SND1: variants seen among roughly 807,000 people sequenced by gnomAD.
The protein encoded by SND1 is staphylococcal nuclease domain-containing protein 1.
SND1 carries 38 observed loss-of-function variants against 121.7 expected under a neutral mutation model. The observed-to-expected ratio is 0.31, with a 90% confidence interval of 0.24 to 0.41. SND1 has a LOEUF of 0.41. Ranked by LOEUF, SND1 falls within the 10% of genes least tolerant of loss-of-function variation. The pLI is 1.00. For missense variants in SND1, 868 were observed against 1,184.6 expected, an observed-to-expected ratio of 0.73 and a Z score of 3.92; for synonymous variants, 401 against 447.4, an observed-to-expected ratio of 0.90 and a Z score of 1.31.
intron 12 of SND1, among the ~76,000 whole-genome samples, chr7:127,884,111 G>A (rs1255698054): frequency 6.6e-6 from 1 of 151,924 alleles, no homozygotes; most frequent in African/African-American, 2.4e-5. Context: ...CACTCAAATT[G>A]TTCCCAATTT....
chr7:127,816,967 T>C (rs1343758816), intron 11 of SND1, among the ~76,000 whole-genome samples: 1 of 152,184 alleles, frequency 6.6e-6, no homozygotes, highest in East Asian at 1.9e-4. Context: ...AGCTAGTTCA[T>C]TTTTGTTATT....
intron 15 of SND1, among the ~76,000 whole-genome samples, chr7:127,937,044 T>C (rs940352144): frequency 6.8e-6 from 1 of 147,398 alleles, no homozygotes; most frequent in Non-Finnish European, 1.5e-5. Flanking sequence ...CCAAATACTT[T>C]TCTCCTGAAT....
At chr7:127,814,756 A>G (rs974907681) in intron 11 of SND1, among the ~76,000 whole-genome samples, 7 of 152,108 alleles carry the variant, frequency 4.6e-5, no homozygotes, top group Non-Finnish European at 7.4e-5. Context: ...AGTTGGGCTA[A>G]TTGTTTAGGT....
intron 1 of SND1, among the ~76,000 whole-genome samples, chr7:127,685,683 GA>G (rs1398143045): frequency 6.6e-6 from 1 of 152,190 alleles, no homozygotes; most frequent in Non-Finnish European, 1.5e-5. Flanking sequence ...TTAGAGAGAT[GA>G]AAGGAGCCAC....
chr7:127,728,054 T>C (rs1238293793), intron 10 of SND1, among the ~76,000 whole-genome samples: 3 of 152,216 alleles, frequency 2.0e-5, no homozygotes, highest in African/African-American at 7.2e-5. Flanking sequence ...TAGCAGACTT[T>C]GCTGAAGTGC....
intron 12 of SND1, among the ~76,000 whole-genome samples, chr7:127,859,783 G>A (rs926627776): frequency 2.0e-5 from 3 of 152,020 alleles, no homozygotes; most frequent in Admixed American, 2.0e-4. Context: ...GTGGGGTCTG[G>A]CATTAGTGTT....
intron 16 of SND1, chr7:128,028,853 T>G: frequency 6.2e-7 from 1 of 1,614,208 alleles, no homozygotes; most frequent in Non-Finnish European, 8.5e-7. Context: ...TGGGCAGCAC[T>G]ACTGCCCCCT....
intron 15 of SND1, among the ~76,000 whole-genome samples, chr7:127,957,740 G>A (rs886140620): frequency 1.3e-5 from 2 of 152,104 alleles, no homozygotes; most frequent in Admixed American, 6.5e-5. Context: ...CGCTCTTGTT[G>A]TCCAGGCTGG....
chr7:127,998,341 C>A, intron 16 of SND1: 1 of 186,714 alleles, frequency 5.4e-6, no homozygotes, highest in Non-Finnish European at 1.1e-5. Flanking sequence ...ACTATAGGAC[C>A]CTGACCTGCC....
At chr7:128,056,316 G>A (rs75635970) in intron 16 of SND1, among the ~76,000 whole-genome samples, 2,887 of 152,306 alleles carry the variant, frequency 0.019, 100 homozygotes, top group African/African-American at 0.067. Flanking sequence ...GGCAGTAGCT[G>A]GAAGGGCGCA....
intron 14 of SND1, 100 bp from the exon 15 acceptor site, chr7:127,929,088 T>G (rs1409393239): frequency 1.7e-5 from 21 of 1,204,286 alleles, no homozygotes; most frequent in Non-Finnish European, 2.4e-5. Flanking sequence ...AATAGGGTTA[T>G]TTGCTTAGCT....
At chr7:127,884,485 C>T (rs1271643883) in intron 12 of SND1, among the ~76,000 whole-genome samples, 1 of 152,108 alleles carries the variant, frequency 6.6e-6, no homozygotes, top group East Asian at 1.9e-4. Context: ...TAGCGGAGCG[C>T]AACAGAGATA....
At chr7:128,034,485 CCCT>C (rs1475200979) in intron 16 of SND1, among the ~76,000 whole-genome samples, 3 of 152,156 alleles carry the variant, frequency 2.0e-5, no homozygotes, top group Non-Finnish European at 4.4e-5. Flanking sequence ...GACTATCCTT[CCCT>C]CCTCAGGCAA....
chr7:127,922,188 T>TG (rs1325271699), intron 14 of SND1, among the ~76,000 whole-genome samples: 8 of 97,846 alleles, frequency 8.2e-5, no homozygotes, highest in Non-Finnish European at 1.6e-4. Context: ...TTTTTTTTTT[T>TG]TTTTTTTTTT....
chr7:127,771,336 A>G (rs1015088991), intron 10 of SND1, among the ~76,000 whole-genome samples: 6 of 152,184 alleles, frequency 3.9e-5, no homozygotes, highest in Non-Finnish European at 8.8e-5. Flanking sequence ...TGTAAGTGAC[A>G]TGAATGGGTG....
chr7:127,963,307 G>C (rs1801776569), intron 15 of SND1, among the ~76,000 whole-genome samples: 1 of 148,766 alleles, frequency 6.7e-6, no homozygotes, highest in African/African-American at 2.5e-5. Context: ...ACATTGTGCA[G>C]GTTAGTTACA....
At chr7:127,835,917 T>A (rs1298525019) in intron 11 of SND1, among the ~76,000 whole-genome samples, 2 of 152,222 alleles carry the variant, frequency 1.3e-5, no homozygotes, top group African/African-American at 4.8e-5. Context: ...TTTATTATGT[T>A]TGTTTTCAGG....
At chr7:127,690,005 T>C (rs1795885371) in intron 2 of SND1, among the ~76,000 whole-genome samples, 1 of 143,518 alleles carries the variant, frequency 7.0e-6, no homozygotes, top group African/African-American at 2.6e-5. Flanking sequence ...ACCTCTCTTA[T>C]CCATACTTGA....
chr7:127,991,180 A>G (rs941563574), intron 16 of SND1, 124 bp downstream of exon 16: 19 of 661,206 alleles, frequency 2.9e-5, no homozygotes, highest in African/African-American at 2.7e-4. Flanking sequence ...TCCATAATCC[A>G]TTCTTGTGTC....
Sources: gnomAD v4.1 joint callset for allele counts (sites outside exome capture counted in the v4.1 genomes callset) on GRCh38, gnomAD v4.1.1 for gene constraint, MANE v1.5 for transcripts, NCBI Gene and HGNC (gene_info 2026-07-23, HGNC 2026-07-21) for gene names.